DYNC2H1: variants seen among roughly 807,000 people sequenced by gnomAD.
DYNC2H1 encodes dynein cytoplasmic 2 heavy chain 1, also known as cytoplasmic dynein 2 heavy chain 1.
A neutral mutation model predicts 570.0 loss-of-function variants in DYNC2H1; 410 were observed. The ratio of observed to expected loss-of-function variants is 0.72; its 90% CI spans 0.66 to 0.78. DYNC2H1 has a LOEUF of 0.78. DYNC2H1 is among the 30% of genes least tolerant of loss of function. The probability of loss-of-function intolerance (pLI) is 0.00; values close to 1 mark genes in which losing one functional copy is unlikely to be tolerated. For missense variants in DYNC2H1, 4,865 were observed against 5,046.4 expected, an observed-to-expected ratio of 0.96 and a Z score of 1.09; for synonymous variants, 1,688 against 1,677.6, an observed-to-expected ratio of 1.01 and a Z score of -0.15.
chr11:103,232,453 A>G (rs1164159126), intron 60 of DYNC2H1, among the ~76,000 whole-genome samples: 3 of 151,946 alleles, frequency 2.0e-5, no homozygotes, highest in Non-Finnish European at 2.9e-5. Context: ...AAGGATTATT[A>G]TAAGAACTTT....
At chr11:103,269,710 G>A (rs1865629693) in intron 70 of DYNC2H1, among the ~76,000 whole-genome samples, 1 of 151,898 alleles carries the variant, frequency 6.6e-6, no homozygotes, top group African/African-American at 2.4e-5. Flanking sequence ...TTTTATTTCA[G>A]TTACCTATTT....
intron 83 of DYNC2H1, among the ~76,000 whole-genome samples, chr11:103,392,333 CT>C (rs1392831958): frequency 6.6e-6 from 1 of 152,214 alleles, no homozygotes; most frequent in African/African-American, 2.4e-5. Context: ...GTGCCGTTTG[CT>C]AAGACCGTTG....
intron 82 of DYNC2H1, among the ~76,000 whole-genome samples, chr11:103,335,575 G>A (rs928980385): frequency 1.3e-5 from 2 of 151,982 alleles, no homozygotes; most frequent in South Asian, 2.1e-4. Flanking sequence ...TTAAGTCTAA[G>A]TACAGTCATA....
intron 87 of DYNC2H1, among the ~76,000 whole-genome samples, chr11:103,464,946 T>C (rs1945146014): frequency 6.6e-6 from 1 of 152,210 alleles, no homozygotes; most frequent in Non-Finnish European, 1.5e-5. Context: ...CTGTAAAATA[T>C]GTTATGCTTA....
intron 17 of DYNC2H1, 35 bp downstream of exon 17, chr11:103,135,983 A>G: frequency 6.8e-7 from 1 of 1,469,378 alleles, no homozygotes; most frequent in South Asian, 1.5e-5. Flanking sequence ...CTTCCATCAT[A>G]AAATTATTTC....
intron 82 of DYNC2H1, among the ~76,000 whole-genome samples, chr11:103,342,545 C>G (rs1295092602): frequency 6.7e-6 from 1 of 149,476 alleles, no homozygotes; most frequent in South Asian, 2.1e-4. Context: ...CTCTGTTGCC[C>G]AGGCTGGAGT....
At chr11:103,290,606 A>G (rs926649930) in intron 75 of DYNC2H1, among the ~76,000 whole-genome samples, 11 of 152,184 alleles carry the variant, frequency 7.2e-5, no homozygotes, top group Non-Finnish European at 1.5e-4. Flanking sequence ...CTTAGACAAC[A>G]TCATGACTCA....
chr11:103,302,837 G>C (rs548015378), intron 75 of DYNC2H1, among the ~76,000 whole-genome samples: 1 of 152,080 alleles, frequency 6.6e-6, no homozygotes, highest in East Asian at 1.9e-4. Flanking sequence ...GTGGTAATCA[G>C]GGTACCTACC....
Position 103,109,783 on chromosome 11 carries a change from C to T in DYNC2H1, c.195+14C>T, listed in dbSNP as rs764215454. 3 of 1,606,038 alleles carry T rather than the reference C, an allele frequency of 1.9e-6. No homozygotes were observed. The highest frequency in any genetic ancestry group is 1.3e-5 in the African/African-American group (1 of 74,932). On this transcript the variant is annotated intron_variant, in intron 1 of 88. Coordinates refer to ENST00000375735, the MANE Select transcript of DYNC2H1 (RefSeq NM_001377.3). Reference sequence around the variant, plus strand: ...TTTTCCAACACGGTACGGTTCCTTGCACTCCTGCCTGACCCCTGACCACTC... The same window carrying T: ...TTTTCCAACACGGTACGGTTCCTTGTACTCCTGCCTGACCCCTGACCACTC...
Position 103,135,838 on chromosome 11 carries a change from G to C in DYNC2H1, c.2464G>C (p.Glu822Gln). Residue 822 changes from glutamate to glutamine, a missense_variant, in exon 17 of 89, where the codon GAA (glutamate) becomes CAA (glutamine). By Grantham distance (29) the Glu-to-Gln change is conservative (BLOSUM62 2). This residue lies in a region of DYNC2H1 where 1,936 missense variants were observed against 1,962.1 expected (regional missense o/e 0.99). Coordinates refer to ENST00000375735, the MANE Select transcript of DYNC2H1 (RefSeq NM_001377.3). ...QFKGVGEAGD[E>Q]SIFSIMIDRN... Reference sequence around the variant, plus strand: ...TAAGGGAGTGGGTGAGGCAGGAGATGAATCTATTTTTTCTATTATGATTGA... The same window carrying C: ...TAAGGGAGTGGGTGAGGCAGGAGATCAATCTATTTTTTCTATTATGATTGA... The C allele has an allele frequency of 6.2e-7, 1 of 1,613,122 alleles. No homozygotes were observed. Among genetic ancestry groups the C allele is most frequent in the Non-Finnish European group, 8.5e-7 (1 of 1,179,532 alleles).
chr11:103,404,002 A>G (rs1452320671), intron 84 of DYNC2H1: 2 of 151,966 alleles, frequency 1.3e-5, no homozygotes, highest in Admixed American at 6.6e-5. Flanking sequence ...TTGGGCATCT[A>G]TGCTGTTAGT....
intron 3 of DYNC2H1, 47 bp downstream of exon 3, chr11:103,114,285 A>G: frequency 6.8e-7 from 1 of 1,473,732 alleles, no homozygotes; most frequent in Non-Finnish European, 9.1e-7. Flanking sequence ...TGATTGTCTC[A>G]TTAATACATT....
At chr11:103,171,798 T>A (rs1861584611) in intron 34 of DYNC2H1, among the ~76,000 whole-genome samples, 1 of 152,094 alleles carries the variant, frequency 6.6e-6, no homozygotes. Context: ...TGAACCCAGG[T>A]CTGTCTAATT....
At position 103,255,517 on chromosome 11, in the gene DYNC2H1, G is replaced by T. The variant is rs865919156; in HGVS notation, c.10309G>T (p.Glu3437Ter). ...EDKKIQLAKL[E>*]ESLLETLATS... Reference sequence around the variant, plus strand: ...TAAGAAAATACAGCTAGCCAAGCTCGAAGAATCTCTTCTAGAGGTAAAAGT... The same window carrying T: ...TAAGAAAATACAGCTAGCCAAGCTCTAAGAATCTCTTCTAGAGGTAAAAGT... The change falls in exon 67 of 89, where the codon GAA becomes TAA. Residue 3437 changes from glutamate to a stop codon, truncating the protein, a stop_gained. Transcript: ENST00000375735. LOFTEE classifies it high-confidence loss of function. The T allele has an allele frequency of 6.4e-7, 1 of 1,555,850 alleles. No individual in the cohort carries two copies. The highest frequency in any genetic ancestry group is 8.7e-7 in the Non-Finnish European group (1 of 1,149,074).
At chr11:103,180,170 A>T (rs913086410) in intron 39 of DYNC2H1, among the ~76,000 whole-genome samples, 1 of 151,728 alleles carries the variant, frequency 6.6e-6, no homozygotes, top group Non-Finnish European at 1.5e-5. Flanking sequence ...CACACAATTT[A>T]TCATATTTAT....
chr11:103,135,032 A>T (rs999978497), intron 15 of DYNC2H1, among the ~76,000 whole-genome samples: 1 of 152,134 alleles, frequency 6.6e-6, no homozygotes, highest in African/African-American at 2.4e-5. Context: ...GTATAGAAGC[A>T]AAAAAGTATG....
chr11:103,378,832 C>T (rs148942815), intron 83 of DYNC2H1, among the ~76,000 whole-genome samples: 6 of 152,252 alleles, frequency 3.9e-5, no homozygotes, highest in African/African-American at 1.4e-4. Context: ...GAAAATATTA[C>T]TCATTGGTCT....
chr11:103,109,805 A>G, intron 1 of DYNC2H1, 36 bp downstream of exon 1: 1 of 1,578,998 alleles, frequency 6.3e-7, no homozygotes, highest in Non-Finnish European at 8.6e-7. Flanking sequence ...ACCCCTGACC[A>G]CTCTTCAAGT....
chr11:103,110,056 G>C (rs748606533), intron 1 of DYNC2H1, among the ~76,000 whole-genome samples: 1 of 152,078 alleles, frequency 6.6e-6, no homozygotes. Flanking sequence ...ACGGAGTTTC[G>C]TTCTGTCGCT....
Sources: gnomAD v4.1 joint callset for allele counts (sites outside exome capture counted in the v4.1 genomes callset) on GRCh38, gnomAD v4.1.1 for gene constraint, gnomAD v4.1.1 regional missense constraint, MANE v1.5 for transcripts, NCBI Gene and HGNC (gene_info 2026-07-23, HGNC 2026-07-21) for gene names.